GALNTL6: variants seen among roughly 807,000 people sequenced by gnomAD.
GALNTL6 encodes the protein polypeptide N-acetylgalactosaminyltransferase like 6.
A neutral mutation model predicts 73.7 loss-of-function variants in GALNTL6; 46 were observed. The observed-to-expected ratio is 0.62, with a 90% CI of 0.49 to 0.80. The LOEUF (loss-of-function observed/expected upper bound fraction) is 0.80. GALNTL6 is among the 30% of genes least tolerant of loss of function. GALNTL6 has a pLI of 0.00. For missense variants in GALNTL6, 604 were observed against 755.0 expected (o/e 0.80, Z 2.34); for synonymous variants, 259 against 263.7 (o/e 0.98, Z 0.17).
intron 5 of GALNTL6, among the ~76,000 whole-genome samples, chr4:172,621,467 G>C (rs1219944385): frequency 1.3e-5 from 2 of 152,120 alleles, no homozygotes; most frequent in Non-Finnish European, 2.9e-5. Flanking sequence ...TTACTTTCCA[G>C]GGTCCCCTAA....
chr4:172,452,232 T>C (rs1374182517), intron 5 of GALNTL6, among the ~76,000 whole-genome samples: 1 of 152,006 alleles, frequency 6.6e-6, no homozygotes, highest in African/African-American at 2.4e-5. Flanking sequence ...GAAAAGTCTT[T>C]CATTAAGACA....
intron 5 of GALNTL6, among the ~76,000 whole-genome samples, chr4:172,501,119 G>C (rs1164913420): frequency 6.6e-6 from 1 of 152,138 alleles, no homozygotes; most frequent in Non-Finnish European, 1.5e-5. Flanking sequence ...TGCATAACTG[G>C]TGAAATCTGT....
chr4:171,967,619 C>T (rs187954892), intron 2 of GALNTL6, among the ~76,000 whole-genome samples: 1 of 152,152 alleles, frequency 6.6e-6, no homozygotes, highest in Non-Finnish European at 1.5e-5. Flanking sequence ...TTTGGCAATA[C>T]TTACATGCCT....
intron 7 of GALNTL6, among the ~76,000 whole-genome samples, chr4:172,815,947 T>A (rs1435383712): frequency 6.6e-6 from 1 of 152,204 alleles, no homozygotes; most frequent in Non-Finnish European, 1.5e-5. Flanking sequence ...AAAAGAATGG[T>A]TACCCAAGCA....
At chr4:172,241,843 G>T (rs916632878) in intron 3 of GALNTL6, among the ~76,000 whole-genome samples, 1 of 152,032 alleles carries the variant, frequency 6.6e-6, no homozygotes, top group South Asian at 2.1e-4. Context: ...TATTTTGTGA[G>T]AATTTATTGA....
At chr4:172,748,139 A>G (rs1255659621) in intron 5 of GALNTL6, among the ~76,000 whole-genome samples, 1 of 152,244 alleles carries the variant, frequency 6.6e-6, no homozygotes, top group African/African-American at 2.4e-5. Flanking sequence ...AATGTGAACT[A>G]TATATACATT....
intron 12 of GALNTL6, among the ~76,000 whole-genome samples, chr4:173,026,245 G>A (rs58072436): frequency 0.025 from 3,839 of 152,182 alleles, 157 homozygotes; most frequent in African/African-American, 0.088. Context: ...GCCAATAAAG[G>A]GTGCATTATC....
chr4:172,292,902 T>G (rs185107738), intron 3 of GALNTL6, among the ~76,000 whole-genome samples: 1 of 152,270 alleles, frequency 6.6e-6, no homozygotes, highest in African/African-American at 2.4e-5. Flanking sequence ...GCCACATTTG[T>G]TGGAACAATT....
chr4:171,938,794 A>G (rs1259894299), intron 2 of GALNTL6, among the ~76,000 whole-genome samples: 2 of 152,138 alleles, frequency 1.3e-5, no homozygotes, highest in Non-Finnish European at 2.9e-5. Context: ...CTATCATCCT[A>G]TCTAATGAAA....
intron 5 of GALNTL6, among the ~76,000 whole-genome samples, chr4:172,366,127 A>C (rs1424273991): frequency 1.3e-5 from 2 of 152,188 alleles, no homozygotes; most frequent in East Asian, 3.9e-4. Flanking sequence ...GTATTACTAA[A>C]GATAATATCA....
At chr4:171,890,835 A>G (rs1051682447) in intron 2 of GALNTL6, among the ~76,000 whole-genome samples, 5 of 152,170 alleles carry the variant, frequency 3.3e-5, no homozygotes, top group Admixed American at 6.6e-5. Context: ...GAGGTCCCAT[A>G]CAATATCAAG....
rs569875668 is a variant in GALNTL6, at chr4:172,227,742, G to C, written c.139-1914G>C. The stretch of plus-strand genomic sequence containing the variant: ...CATTTTCATTTGGCTGCTGGAGAGA[G>C]TAAATGTTAACTTTTGTGTTCAATT... On this transcript the variant is annotated intron_variant, in intron 2 of 12. Coordinates refer to ENST00000506823, the MANE Select transcript of GALNTL6 (RefSeq NM_001034845.3). Among the ~76,000 whole-genome samples the C allele has an allele frequency of 5.3e-5, 8 of 152,236 alleles. No homozygotes were observed. In the South Asian group the frequency reaches 1.7e-3, roughly 32 times the overall value.
At chr4:172,301,682 A>G (rs1016696852) in intron 3 of GALNTL6, among the ~76,000 whole-genome samples, 1 of 152,158 alleles carries the variant, frequency 6.6e-6, no homozygotes, top group African/African-American at 2.4e-5. Context: ...GCAGAACAGC[A>G]GATATTGGTG....
chr4:172,951,116 A>G (rs150916724), intron 9 of GALNTL6, among the ~76,000 whole-genome samples: 29 of 152,278 alleles, frequency 1.9e-4, no homozygotes, highest in African/African-American at 7.0e-4. Context: ...TCCAATTTCC[A>G]ATCCTGCACC....
intron 5 of GALNTL6, among the ~76,000 whole-genome samples, chr4:172,354,429 G>A (rs1052463526): frequency 6.6e-6 from 1 of 152,204 alleles, no homozygotes; most frequent in African/African-American, 2.4e-5. Flanking sequence ...TCTGATATTT[G>A]TATATCGTGT....
At chr4:171,913,061 A>C (rs757355586) in intron 2 of GALNTL6, among the ~76,000 whole-genome samples, 6 of 152,130 alleles carry the variant, frequency 3.9e-5, no homozygotes, top group African/African-American at 1.4e-4. Context: ...GTAAATACTC[A>C]GCAGAGGGAT....
chr4:172,306,657 A>C (rs1484023), intron 3 of GALNTL6, among the ~76,000 whole-genome samples: 150,982 of 152,276 alleles, frequency 0.99, 74,864 homozygotes, highest in Middle Eastern at 1. Context: ...TAATATTATT[A>C]TTATGCCTTT....
intron 2 of GALNTL6, among the ~76,000 whole-genome samples, chr4:172,033,153 C>T (rs1741820339): frequency 6.6e-6 from 1 of 151,324 alleles, no homozygotes; most frequent in Non-Finnish European, 1.5e-5. Context: ...TTCCAAACAA[C>T]TTTATTACAC....
intron 2 of GALNTL6, among the ~76,000 whole-genome samples, chr4:172,197,167 CATGA>C (rs2110892486): frequency 6.6e-6 from 1 of 152,036 alleles, no homozygotes; most frequent in Admixed American, 6.5e-5. Flanking sequence ...AGACCCAAAT[CATGA>C]ATGAACTTTC....
Sources: gnomAD v4.1 joint callset for allele counts (sites outside exome capture counted in the v4.1 genomes callset) on GRCh38, gnomAD v4.1.1 for gene constraint, MANE v1.5 for transcripts, NCBI Gene and HGNC (gene_info 2026-07-23, HGNC 2026-07-21) for gene names.